Variants in HR observed in about 807,000 individuals in gnomAD.
HR encodes lysine-specific demethylase hairless.
HR carries 83 observed loss-of-function variants against 128.6 expected under a neutral mutation model. The ratio of observed to expected loss-of-function variants is 0.65; its 90% CI spans 0.54 to 0.77. HR has a LOEUF of 0.77. Ranked by LOEUF, HR falls within the 30% of genes least tolerant of loss-of-function variation. The probability of loss-of-function intolerance (pLI) is 0.00; values close to 1 mark genes in which losing one functional copy is unlikely to be tolerated. For synonymous variants in HR, 681 were observed against 658.2 expected (o/e 1.03, Z -0.53); for missense variants, 1,490 against 1,574.6 (o/e 0.95, Z 0.91).
At chr8:22,121,380 C>G in intron 9 of HR, 152 bp from the exon 10 acceptor site, 2 of 1,098,296 alleles carry the variant, frequency 1.8e-6, no homozygotes, top group Non-Finnish European at 2.6e-6. Flanking sequence ...TGGGTCTCCC[C>G]GCTCTACTGC....
chr8:22,121,784 G>A, intron 8 of HR, 90 bp from the exon 9 acceptor site: 1 of 1,287,578 alleles, frequency 7.8e-7, no homozygotes, highest in Non-Finnish European at 1.1e-6. Flanking sequence ...ATGAACAATG[G>A]ACTCTTGTCA....
At chr8:22,120,073 A>C in intron 13 of HR, 31 bp downstream of exon 13, 2 of 1,570,516 alleles carry the variant, frequency 1.3e-6, no homozygotes, top group Non-Finnish European at 8.6e-7. Context: ...GGTGGCGGGG[A>C]GGTAGGGCTG....
chr8:22,129,315 A>G (rs1295977055), intron 1 of HR, 105 bp from the exon 2 acceptor site: 30 of 944,220 alleles, frequency 3.2e-5, no homozygotes, highest in Admixed American at 1.2e-4. Flanking sequence ...GGCAGCTCAA[A>G]CCAGTAAGGC....
chr8:22,123,617 T>TGGGGGGGGGCCCCCCCCCC, intron 6 of HR, 32 bp downstream of exon 6: 1 of 292,090 alleles, frequency 3.4e-6, no homozygotes, highest in Non-Finnish European at 6.2e-6. Context: ...GAGGGCTCCA[T>TGGGGGGGGGCCCCCCCCCC]CCCGCCCTCC....
rs200412022 is a variant in HR at position 22,119,137 on chromosome 8, C to T, written c.3097+27G>A. 1.3e-4 allele frequency: 213 copies of T among 1,613,712 alleles called. No homozygotes were observed. In the African/African-American group the frequency reaches 2.2e-3, roughly 16 times the overall value. On this transcript the variant is annotated intron_variant, in intron 15 of 18. Transcript: ENST00000381418. ...AACACTCACCTCTGTAGCTTGTCCC[C>T]GCTCCTGCCTCTGGCCGAGGACCTA...
chr8:22,127,863 A>G (rs1394349698), intron 2 of HR, 34 bp from the exon 3 acceptor site: 1 of 1,593,230 alleles, frequency 6.3e-7, no homozygotes, highest in Non-Finnish European at 8.5e-7. Context: ...GCTTCAGCTG[A>G]CTTGGGCTCC....
intron 16 of HR, chr8:22,118,071 T>C (rs1490171278): frequency 6.6e-6 from 1 of 152,296 alleles, no homozygotes; most frequent in Non-Finnish European, 1.5e-5. Context: ...GAGGTGTGCT[T>C]GTCTGCTCCC....
chr8:22,126,121 G>T (rs1274010328), intron 3 of HR, among the ~76,000 whole-genome samples: 1 of 152,232 alleles, frequency 6.6e-6, no homozygotes, highest in Non-Finnish European at 1.5e-5. Context: ...CAACGTGGAC[G>T]GAGGGCGCCG....
Position 22,126,974 on chromosome 8 carries a change from C to A in HR, c.1405+63G>T, listed in dbSNP as rs937148016. 3.3e-6 allele frequency: 5 copies of A among 1,515,982 alleles called. No individual in the cohort carries two copies. In the Admixed American group the frequency reaches 9.4e-5, roughly 28 times the overall value. The allele number at this position is 1,515,982 out of a possible 1,614,324, so 93.9% of individuals were successfully genotyped here. On this transcript the variant is annotated intron_variant, in intron 3 of 18. Transcript: ENST00000381418. Reference sequence around the variant, plus strand: ...TAAAGCCTACAGACCCCGCCCCATGCGAAGCCCCAGCCCCGGCTGCCCCCT... The same window carrying A: ...TAAAGCCTACAGACCCCGCCCCATGAGAAGCCCCAGCCCCGGCTGCCCCCT...
At position 22,129,108 on chromosome 8, in the gene HR, G is replaced by T; in HGVS notation, c.63C>A (p.Asn21Lys). 1 of 1,569,490 alleles carries T rather than the reference G, an allele frequency of 6.4e-7. No individual in the cohort carries two copies. Among genetic ancestry groups the T allele is most frequent in the Non-Finnish European group, 8.6e-7 (1 of 1,160,008 alleles). ...TPTWEKTAPE[N>K]GIVRQEPGSP... ...TGCCGGGCTCCTGTCTCACGATGCCGTTCTCTGGGGCCGTCTTCTCCCAGG... is the reference window on the plus strand; with the variant it reads ...TGCCGGGCTCCTGTCTCACGATGCCTTTCTCTGGGGCCGTCTTCTCCCAGG... The change falls in exon 2 of 19, where the codon AAC (asparagine) becomes AAA (lysine). Residue 21 changes from asparagine (N) to lysine (K), a missense_variant. By Grantham distance (94) the Asn-to-Lys change is moderately conservative. This residue lies in a region of HR where 1,060 missense variants were observed against 1,060.9 expected (regional missense o/e 1.00). Transcript: ENST00000381418.
At position 22,129,108 on chromosome 8, in the gene HR, G is replaced by A. The variant is rs146907085; in HGVS notation, c.63C>T (p.Asn21=). ...TPTWEKTAPE[N]GIVRQEPGSP... ...TGCCGGGCTCCTGTCTCACGATGCCGTTCTCTGGGGCCGTCTTCTCCCAGG... is the reference window on the plus strand; with the variant it reads ...TGCCGGGCTCCTGTCTCACGATGCCATTCTCTGGGGCCGTCTTCTCCCAGG... Residue 21 remains asparagine (N), a synonymous_variant, in exon 2 of 19, where the codon AAC becomes AAT. Transcript: ENST00000381418. The A allele has an allele frequency of 6.7e-5, 105 of 1,569,370 alleles. No individual in the cohort carries two copies. The highest frequency in any genetic ancestry group is 4.1e-5 in the Non-Finnish European group (48 of 1,160,016).
chr8:22,120,763 G>T lies in HR; in HGVS notation c.2563C>A (p.Pro855Thr). ...LLWLQEPQPC[P>T]RRGFHLFQEH... ...TGGAAGAGGTGGAAGCCACGCCGAG[G>T]GCAAGGCTGGGGCTCCTGCAGCCAC... The change falls in exon 11 of 19, where the codon CCT becomes ACT. Residue 855 changes from proline (P) to threonine (T), a missense_variant. Pro to Thr is a conservative substitution (Grantham distance 38, BLOSUM62 -1). Coordinates refer to ENST00000381418, the MANE Select transcript of HR (RefSeq NM_005144.5). 6.6e-7 allele frequency: 1 copy of T among 1,523,476 alleles called. No homozygotes were observed. The highest frequency in any genetic ancestry group is 1.2e-5 in the South Asian group (1 of 81,536). The allele number at this position is 1,523,476 out of a possible 1,614,324, so 94.4% of individuals were successfully genotyped here. A position where few individuals can be genotyped will look rare whatever the true frequency, so the allele number is the denominator to read the frequency against.
rs763856338 is a variant in HR at position 22,127,587 on chromosome 8, G to T, written c.855C>A (p.Gly285=). 1.9e-6 allele frequency: 3 copies of T among 1,612,350 alleles called. No individual in the cohort carries two copies. Among genetic ancestry groups the T allele is most frequent in the African/African-American group, 1.3e-5 (1 of 74,928 alleles). Residue 285 remains glycine (G), a synonymous_variant, in exon 3 of 19, where the codon GGC becomes GGA. Coordinates refer to ENST00000381418, the MANE Select transcript of HR (RefSeq NM_005144.5). ...PWTSWPACPP[G]LVHTLGNVWA... ...AGACGTTGCCAAGAGTATGAACAAG[G>T]CCTGGGGGACAAGCGGGCCAGGAGG...
In HR at chr8:22,114,450, A is replaced by C. The variant is rs1826535602; in HGVS notation, c.*1250T>G. 1.3e-5 allele frequency: 2 copies of C among 152,612 alleles called. No homozygotes were observed. Among genetic ancestry groups the C allele is most frequent in the Non-Finnish European group, 2.9e-5 (2 of 68,032 alleles). The allele number at this position is 152,612 out of a possible 1,614,324, so 9.5% of individuals were successfully genotyped here. On this transcript the variant is annotated 3_prime_UTR_variant, in exon 19 of 19. Coordinates refer to ENST00000381418, the MANE Select transcript of HR (RefSeq NM_005144.5). ...TTATAATAAAAAACTTTATTTAATA[A>C]AAAAAATTCCCCAAACCACAGCAGG...
At position 22,119,760 on chromosome 8, in the gene HR, C is replaced by T. The variant is rs781512713; in HGVS notation, c.2977G>A (p.Gly993Ser). ...PLEPQLWAAY[G>S]VSPHRGHLGT... Reference sequence around the variant, plus strand: ...TGGGCAGGAGTGGAGGGACACTCACCATAGGCTGCCCAGAGCTGGGGCTCC... The same window carrying T: ...TGGGCAGGAGTGGAGGGACACTCACTATAGGCTGCCCAGAGCTGGGGCTCC... Residue 993 changes from glycine to serine, a missense_variant and splice_region_variant, in exon 14 of 19, where the codon GGT becomes AGT. Coordinates refer to ENST00000381418, the MANE Select transcript of HR (RefSeq NM_005144.5). The T allele has an allele frequency of 6.2e-7, 1 of 1,608,664 alleles. No homozygotes were observed.
At position 22,119,909 on chromosome 8, in the gene HR, A is replaced by G. The variant is rs774374001; in HGVS notation, c.2847-19T>C. The G allele has an allele frequency of 5.6e-6, 9 of 1,612,966 alleles. No individual in the cohort carries two copies. The highest frequency in any genetic ancestry group is 1.3e-5 in the African/African-American group (1 of 75,042). On this transcript the variant is annotated intron_variant, in intron 13 of 18. Coordinates refer to ENST00000381418, the MANE Select transcript of HR (RefSeq NM_005144.5). ...CTCCACCCTGTCAGGGTAGGGGGTC[A>G]TGCCCAGCAGGCCCAACCTGGGCAC...
Position 22,123,654 on chromosome 8 carries a change from T to A in HR, c.1910A>T (p.Lys637Ile), listed in dbSNP as rs1166380096. Reference protein sequence around the residue: ...RVAGTGRAREKAGFQEQSAEE... With the variant: ...RVAGTGRAREIAGFQEQSAEE... ...ACCCCCAGCCCCTCTCCTACCTGCTTTCTCCCTGGCCCGCCCAGTGCCTGC... is the reference window on the plus strand; with the variant it reads ...ACCCCCAGCCCCTCTCCTACCTGCTATCTCCCTGGCCCGCCCAGTGCCTGC... The change falls in exon 6 of 19, where the codon AAA (lysine) becomes ATA (isoleucine). Residue 637 changes from lysine to isoleucine, a missense_variant. Transcript: ENST00000381418. 9.0e-7 allele frequency: 1 copy of A among 1,109,132 alleles called. No individual in the cohort carries two copies. The highest frequency in any genetic ancestry group is 7.0e-5 in the East Asian group (1 of 14,252). 68.7% of individuals were successfully genotyped at this position (1,109,132 alleles called of 1,614,324 possible).
intron 6 of HR, 32 bp downstream of exon 6, chr8:22,123,617 T>TGGGGGGGGGGGGCC: frequency 3.4e-6 from 1 of 292,092 alleles, no homozygotes. Flanking sequence ...GAGGGCTCCA[T>TGGGGGGGGGGGGCC]CCCGCCCTCC....
Position 22,121,149 on chromosome 8 carries a change from C to T in HR, c.2283G>A (p.Leu761=), listed in dbSNP as rs769944653. Reference sequence around the variant, plus strand: ...AGAGTTTGACCGCGGTAGAAGCCAGCAGTTCGCAGAGAGAAGGACAAGGCA... The same window carrying T: ...AGAGTTTGACCGCGGTAGAAGCCAGTAGTTCGCAGAGAGAAGGACAAGGCA... ...GPLPCPSLCE[L]LASTAVKLCL... is the part of the protein sequence containing the mutation. Residue 761 remains leucine (L), a synonymous_variant, in exon 10 of 19, where the codon CTG becomes CTA. Coordinates refer to ENST00000381418, the MANE Select transcript of HR (RefSeq NM_005144.5). The T allele has an allele frequency of 6.8e-6, 11 of 1,613,966 alleles. No individual in the cohort carries two copies. Among genetic ancestry groups the T allele is most frequent in the Admixed American group, 1.7e-5 (1 of 60,032 alleles).
Sources: gnomAD v4.1 joint callset for allele counts (sites outside exome capture counted in the v4.1 genomes callset) on GRCh38, gnomAD v4.1.1 for gene constraint, gnomAD v4.1.1 regional missense constraint, MANE v1.5 for transcripts, NCBI Gene and HGNC (gene_info 2026-07-23, HGNC 2026-07-21) for gene names.